Variants in MTX2 observed in about 807,000 individuals in gnomAD.
MTX2 encodes the protein metaxin 2.
A neutral mutation model predicts 42.3 loss-of-function variants in MTX2; 35 were observed. The observed-to-expected ratio is 0.83, with a 90% CI of 0.63 to 1.10. The LOEUF is 1.10. Ranked by LOEUF, MTX2 falls within the 50% of genes least tolerant of loss-of-function variation. The pLI is 0.00. For missense variants in MTX2, 307 were observed against 304.1 expected (o/e 1.01, Z -0.07); for synonymous variants, 119 against 100.9 (o/e 1.18, Z -1.08).
At chr2:176,329,796 C>T (rs562980686) in intron 8 of MTX2, among the ~76,000 whole-genome samples, 1 of 144,688 alleles carries the variant, frequency 6.9e-6, no homozygotes, top group South Asian at 2.2e-4. Flanking sequence ...TTGAACAATA[C>T]ATTGTGGGCA....
At chr2:176,274,710 G>A (rs1474673325) in intron 1 of MTX2, among the ~76,000 whole-genome samples, 1 of 152,212 alleles carries the variant, frequency 6.6e-6, no homozygotes, top group Non-Finnish European at 1.5e-5. Flanking sequence ...ACTACCTGGA[G>A]TGTCTGATCC....
At chr2:176,297,705 A>G in intron 2 of MTX2, 144 bp from the exon 3 acceptor site, 1 of 401,086 alleles carries the variant, frequency 2.5e-6, no homozygotes. Context: ...TAATTTAATC[A>G]AAATTATAAT....
chr2:176,309,992 C>T (rs960013929), intron 3 of MTX2, among the ~76,000 whole-genome samples: 7 of 150,788 alleles, frequency 4.6e-5, no homozygotes, highest in African/African-American at 7.3e-5. Flanking sequence ...GCAGTTTCTT[C>T]GTAACATCGA....
At chr2:176,326,724 C>A in intron 4 of MTX2, 101 bp from the exon 5 acceptor site, 1 of 727,306 alleles carries the variant, frequency 1.4e-6, no homozygotes, top group Non-Finnish European at 2.1e-6. Flanking sequence ...TATGAAATCC[C>A]TATTTATAAA....
chr2:176,272,064 T>C (rs531990801), intron 1 of MTX2, among the ~76,000 whole-genome samples: 1 of 152,244 alleles, frequency 6.6e-6, no homozygotes, highest in East Asian at 1.9e-4. Flanking sequence ...CTATTCAGCC[T>C]TAAAAAAGAA....
chr2:176,282,562 A>G (rs1445498149), intron 1 of MTX2, among the ~76,000 whole-genome samples: 2 of 152,002 alleles, frequency 1.3e-5, no homozygotes, highest in Non-Finnish European at 2.9e-5. Flanking sequence ...TGTTTTCCTC[A>G]GGCAGATTTA....
intron 3 of MTX2, among the ~76,000 whole-genome samples, chr2:176,318,412 G>A (rs541633875): frequency 4.6e-5 from 7 of 152,200 alleles, no homozygotes; most frequent in African/African-American, 7.2e-5. Context: ...AGGCAATTAT[G>A]TTACGTGTAC....
At chr2:176,285,596 A>G (rs1575035802) in intron 1 of MTX2, among the ~76,000 whole-genome samples, 1 of 151,198 alleles carries the variant, frequency 6.6e-6, no homozygotes, top group African/African-American at 2.4e-5. Context: ...TCATCTGGAC[A>G]TGTCATATAA....
intron 1 of MTX2, 144 bp from the exon 2 acceptor site, chr2:176,296,716 G>A (rs1211230790): frequency 2.7e-6 from 2 of 741,278 alleles, no homozygotes; most frequent in Non-Finnish European, 4.7e-6. Flanking sequence ...TAGAATCTAA[G>A]ATAGTGTGAT....
At chr2:176,296,358 A>C (rs1355782954) in intron 1 of MTX2, among the ~76,000 whole-genome samples, 1 of 152,130 alleles carries the variant, frequency 6.6e-6, no homozygotes, top group Non-Finnish European at 1.5e-5. Context: ...GATTGTGGGG[A>C]AAGATGGACA....
intron 1 of MTX2, among the ~76,000 whole-genome samples, chr2:176,285,704 C>T (rs970869678): frequency 2.0e-5 from 3 of 151,796 alleles, no homozygotes; most frequent in Admixed American, 2.0e-4. Context: ...TAGCATGTAT[C>T]AGTACTTAAC....
At chr2:176,286,570 A>G (rs1317032368) in intron 1 of MTX2, among the ~76,000 whole-genome samples, 1 of 145,434 alleles carries the variant, frequency 6.9e-6, no homozygotes, top group Admixed American at 6.9e-5. Context: ...TTTTTCTGAG[A>G]TGGAGTTTCG....
rs112502709 is a variant in MTX2 at position 176,330,581 on chromosome 2, T to G, written c.544-3T>G. 6.5e-7 allele frequency: 1 copy of G among 1,541,884 alleles called. No homozygotes were observed. Among genetic ancestry groups the G allele is most frequent in the South Asian group, 1.3e-5 (1 of 76,476 alleles). On this transcript the variant is annotated splice_polypyrimidine_tract_variant and splice_region_variant and intron_variant, in intron 8 of 9. Transcript: ENST00000249442. ...TTTCCTTGGGGTTCATTGCCTGTGT[T>G]AGGTCTTAGAGGATGTAGACCAGTG...
intron 1 of MTX2, among the ~76,000 whole-genome samples, chr2:176,282,000 A>G (rs1693087840): frequency 6.6e-6 from 1 of 152,156 alleles, no homozygotes; most frequent in Non-Finnish European, 1.5e-5. Context: ...GTCTTTGATT[A>G]GGAACCACTG....
intron 5 of MTX2, among the ~76,000 whole-genome samples, chr2:176,327,839 A>G (rs986188585): frequency 6.6e-6 from 1 of 151,042 alleles, no homozygotes; most frequent in African/African-American, 2.4e-5. Flanking sequence ...ACTAAAGGTT[A>G]TATCATTTTA....
At chr2:176,310,562 A>G (rs991714367) in intron 3 of MTX2, among the ~76,000 whole-genome samples, 1 of 152,132 alleles carries the variant, frequency 6.6e-6, no homozygotes, top group Non-Finnish European at 1.5e-5. Flanking sequence ...GTCTTTTCAC[A>G]TAGTCCTATA....
Position 176,337,860 on chromosome 2 carries a change from T to C in MTX2, c.*196T>C, listed in dbSNP as rs1404384359. ...TAATTCTGAATTATTTAATCTGATA[T>C]GTTGTATTCTGTATCTTGAAATTTT... On this transcript the variant is annotated 3_prime_UTR_variant, in exon 10 of 10. Coordinates refer to ENST00000249442, the MANE Select transcript of MTX2 (RefSeq NM_006554.5). The C allele has an allele frequency of 9.8e-6, 4 of 407,090 alleles. No individual in the cohort carries two copies. Among genetic ancestry groups the C allele is most frequent in the African/African-American group, 2.1e-5 (1 of 48,398 alleles). 25.2% of individuals were successfully genotyped at this position (407,090 alleles called of 1,614,324 possible).
chr2:176,300,634 A>G (rs1684001792), intron 3 of MTX2, among the ~76,000 whole-genome samples: 1 of 152,064 alleles, frequency 6.6e-6, no homozygotes, highest in Non-Finnish European at 1.5e-5. Context: ...AAATTGTTTT[A>G]TTTAAGAAGT....
chr2:176,294,904 A>C (rs2105411432), intron 1 of MTX2, among the ~76,000 whole-genome samples: 1 of 152,330 alleles, frequency 6.6e-6, no homozygotes, highest in East Asian at 1.9e-4. Flanking sequence ...AAAATTTGTA[A>C]TGCATGCCTA....
Sources: gnomAD v4.1 joint callset for allele counts (sites outside exome capture counted in the v4.1 genomes callset) on GRCh38, gnomAD v4.1.1 for gene constraint, MANE v1.5 for transcripts, NCBI Gene and HGNC (gene_info 2026-07-23, HGNC 2026-07-21) for gene names.